The following ABCC11 variants were observed in gnomAD, a reference collection of about 807,000 sequenced individuals.
ABCC11 encodes the protein ATP binding cassette subfamily C member 11, also known as ATP-binding cassette sub-family C member 11.
A neutral mutation model predicts 149.3 loss-of-function variants in ABCC11; 135 were observed. The ratio of observed to expected loss-of-function variants is 0.90; its 90% CI spans 0.79 to 1.04. The LOEUF is 1.04. Among genes scored for constraint, ABCC11 ranks in the 50% least tolerant of loss-of-function variants. The probability of loss-of-function intolerance (pLI) is 0.00; values close to 1 mark genes in which losing one functional copy is unlikely to be tolerated. For missense variants in ABCC11, 1,680 were observed against 1,722.1 expected (o/e 0.98, Z 0.43); for synonymous variants, 665 against 671.4 (o/e 0.99, Z 0.15).
Position 48,187,124 on chromosome 16 carries a change from G to T in ABCC11, c.2934-34C>A, listed in dbSNP as rs764338896. Reference sequence around the variant, plus strand: ...ACAGTGGAGGTAAGGGACCTGGACCGTCCACCTCTGGGACCATCTAGTCTG... The same window carrying T: ...ACAGTGGAGGTAAGGGACCTGGACCTTCCACCTCTGGGACCATCTAGTCTG... On this transcript the variant is annotated intron_variant, in intron 21 of 29. Transcript: ENST00000356608. 3.1e-6 allele frequency: 5 copies of T among 1,613,802 alleles called. No homozygotes were observed. The African/African-American group carries it at 5.3e-5, about 17-fold the overall frequency.
chr16:48,187,115 A>C, intron 21 of ABCC11, 25 bp from the exon 22 acceptor site: 1 of 1,614,070 alleles, frequency 6.2e-7, no homozygotes, highest in Non-Finnish European at 8.5e-7. Flanking sequence ...GAGGTAAGGG[A>C]CCTGGACCGT....
intron 1 of ABCC11, among the ~76,000 whole-genome samples, chr16:48,235,970 A>G (rs1251408547): frequency 6.6e-6 from 1 of 152,174 alleles, no homozygotes; most frequent in Non-Finnish European, 1.5e-5. Flanking sequence ...CTTATGCAGC[A>G]GGGTCTAGTG....
At chr16:48,227,129 T>C (rs1052574648) in intron 4 of ABCC11, among the ~76,000 whole-genome samples, 1 of 152,118 alleles carries the variant, frequency 6.6e-6, no homozygotes, top group Non-Finnish European at 1.5e-5. Flanking sequence ...GTGCCACTGT[T>C]GAATGCCTGA....
At chr16:48,244,577 G>T (rs183194774) in intron 1 of ABCC11, 4 of 1,502,796 alleles carry the variant, frequency 2.7e-6, no homozygotes, top group East Asian at 2.8e-5. Flanking sequence ...TCCCCAACAC[G>T]CCTGACCCCG....
At chr16:48,247,257 T>G (rs12931193) in intron 1 of ABCC11, 57 bp downstream of exon 1, 1 of 152,120 alleles carries the variant, frequency 6.6e-6, no homozygotes, top group African/African-American at 2.4e-5. Flanking sequence ...ATACCAATAC[T>G]GAGTAATCCA....
intron 1 of ABCC11, among the ~76,000 whole-genome samples, chr16:48,243,964 C>T (rs1375981580): frequency 6.7e-6 from 1 of 149,828 alleles, no homozygotes; most frequent in African/African-American, 2.5e-5. Flanking sequence ...TGCACTCCAG[C>T]CTCCGCGACA....
At chr16:48,238,475 C>T (rs16946014) in intron 1 of ABCC11, among the ~76,000 whole-genome samples, 19,901 of 152,066 alleles carry the variant, frequency 0.13, 1,619 homozygotes, top group African/African-American at 0.23. Context: ...AATGGACTTT[C>T]AACTCCTTCT....
At chr16:48,174,173 C>T (rs755365085) in intron 26 of ABCC11, among the ~76,000 whole-genome samples, 9 of 152,176 alleles carry the variant, frequency 5.9e-5, no homozygotes, top group Non-Finnish European at 1.2e-4. Flanking sequence ...TTTATTGGGT[C>T]TTACCCCTGT....
rs756547949 is a variant in ABCC11, at chr16:48,231,907, C to T, written c.15G>A (p.Arg5=). The T allele has an allele frequency of 1.1e-5, 18 of 1,614,026 alleles. No individual in the cohort carries two copies. The Admixed American group carries it at 3.0e-4, about 27-fold the overall frequency. Residue 5 remains arginine (R), a synonymous_variant, in exon 2 of 30, where the codon AGG becomes AGA. Transcript: ENST00000356608. MTRK[R]TYWVPNSSGG... Reference sequence around the variant, plus strand: ...CAGAAGAGTTGGGCACCCAGTATGTCCTCTTCCTAGTCATTTTCAGTTCCT... The same window carrying T: ...CAGAAGAGTTGGGCACCCAGTATGTTCTCTTCCTAGTCATTTTCAGTTCCT...
In ABCC11 at chr16:48,230,494, G is replaced by C; in HGVS notation, c.179C>G (p.Pro60Arg). The change falls in exon 3 of 30, where the codon CCG becomes CGG. Residue 60 changes from proline (P) to arginine (R), a missense_variant. Physicochemically the swap from Pro to Arg is moderately radical, Grantham distance 103 (BLOSUM62 -2). Coordinates refer to ENST00000356608, the MANE Select transcript of ABCC11 (RefSeq NM_001370497.1). ...PEAPGRAAVPPWGKYDAALRT... is the reference protein window; with the variant it reads ...PEAPGRAAVPRWGKYDAALRT... ...CAAGGCAGCATCATACTTCCCCCAC[G>C]GTGGGACAGCTGCCCTCCCTGGAGC... is the stretch of plus-strand genomic sequence containing the variant. 6.2e-7 allele frequency: 1 copy of C among 1,612,300 alleles called. No individual in the cohort carries two copies. Among genetic ancestry groups the C allele is most frequent in the Non-Finnish European group, 8.5e-7 (1 of 1,179,192 alleles).
rs923404152 is a variant in ABCC11 at position 48,203,211 on chromosome 16, G to T, written c.1878+17C>A. 7 of 1,558,688 alleles carry T rather than the reference G, an allele frequency of 4.5e-6. No homozygotes were observed. Among genetic ancestry groups the T allele is most frequent in the Non-Finnish European group, 6.1e-6 (7 of 1,149,326 alleles). ...CACCAACATTACACAGAGAAGGCAG[G>T]CTCGCCTCCCTCTCACCTCTGTCAT... On this transcript the variant is annotated intron_variant, in intron 14 of 29. Transcript: ENST00000356608.
At chr16:48,197,198 C>T (rs187334790) in intron 17 of ABCC11, among the ~76,000 whole-genome samples, 3 of 151,892 alleles carry the variant, frequency 2.0e-5, no homozygotes, top group East Asian at 1.9e-4. Context: ...GTGGTGCGTG[C>T]CTGTAGTCCT....
chr16:48,240,948 T>A (rs1485158761), intron 1 of ABCC11, among the ~76,000 whole-genome samples: 1 of 152,076 alleles, frequency 6.6e-6, no homozygotes, highest in Non-Finnish European at 1.5e-5. Flanking sequence ...TTTTTTTATT[T>A]TTTGAGACAG....
chr16:48,177,616 T>C (rs1966169692), intron 24 of ABCC11, among the ~76,000 whole-genome samples: 1 of 152,212 alleles, frequency 6.6e-6, no homozygotes, highest in Admixed American at 6.5e-5. Flanking sequence ...CAGTTTCAGG[T>C]TGGAACTCAA....
intron 17 of ABCC11, 60 bp downstream of exon 17, chr16:48,197,911 G>C: frequency 6.4e-7 from 1 of 1,562,196 alleles, no homozygotes; most frequent in Non-Finnish European, 8.8e-7. Context: ...GAAACACTGG[G>C]ACCTCTGGAG....
chr16:48,222,991 C>T (rs1567280732), intron 5 of ABCC11, among the ~76,000 whole-genome samples, 160 bp from the exon 6 acceptor site: 1 of 152,264 alleles, frequency 6.6e-6, no homozygotes, highest in East Asian at 1.9e-4. Flanking sequence ...AGGTTAAGGT[C>T]CAGTTGGAGG....
At position 48,193,997 on chromosome 16, in the gene ABCC11, G is replaced by A; in HGVS notation, c.2405-15C>T. ...GACCATGTAACCTGGGAGGGAGACA[G>A]TGGTGATGTACAAGTGCCACAAACA... On this transcript the variant is annotated splice_polypyrimidine_tract_variant and intron_variant, in intron 18 of 29. Transcript: ENST00000356608. 1 of 1,588,962 alleles carries A rather than the reference G, an allele frequency of 6.3e-7. No homozygotes were observed. Among genetic ancestry groups the A allele is most frequent in the Non-Finnish European group, 8.6e-7 (1 of 1,157,680 alleles).
chr16:48,219,933 G>C (rs968363225), intron 6 of ABCC11, among the ~76,000 whole-genome samples: 25 of 152,132 alleles, frequency 1.6e-4, no homozygotes, highest in Non-Finnish European at 2.1e-4. Context: ...GTGAGCCAAG[G>C]TTGCACTATT....
chr16:48,227,999 A>G, intron 3 of ABCC11, 35 bp from the exon 4 acceptor site: 3 of 1,568,704 alleles, frequency 1.9e-6, no homozygotes, highest in Non-Finnish European at 2.6e-6. Context: ...GAATGAATTC[A>G]GGATCAAGAT....
Sources: gnomAD v4.1 joint callset for allele counts (sites outside exome capture counted in the v4.1 genomes callset) on GRCh38, gnomAD v4.1.1 for gene constraint, MANE v1.5 for transcripts, NCBI Gene and HGNC (gene_info 2026-07-23, HGNC 2026-07-21) for gene names.